SYNJ2BP: variants seen among roughly 807,000 people sequenced by gnomAD.
SYNJ2BP encodes the protein synaptojanin 2 binding protein.
In SYNJ2BP, 10 loss-of-function variants were observed where a neutral mutation model predicts 16.9. The observed-to-expected ratio is 0.59, with a 90% CI of 0.36 to 1.00. SYNJ2BP has a LOEUF of 1.00. Among genes scored for constraint, SYNJ2BP ranks in the 50% least tolerant of loss-of-function variants. The pLI is 0.01. For missense variants in SYNJ2BP, 162 were observed against 186.7 expected (o/e 0.87, Z 0.77); for synonymous variants, 54 against 68.4 (o/e 0.79, Z 1.04).
intron 1 of SYNJ2BP, among the ~76,000 whole-genome samples, chr14:70,410,627 A>G (rs1385493084): frequency 6.6e-6 from 1 of 152,174 alleles, no homozygotes; most frequent in Admixed American, 6.5e-5. Context: ...ATGCCCATCA[A>G]TGGTAGACTG....
At chr14:70,375,559 T>G in intron 3 of SYNJ2BP, 117 bp downstream of exon 3, 1 of 1,306,160 alleles carries the variant, frequency 7.7e-7, no homozygotes, top group Non-Finnish European at 1.0e-6. Flanking sequence ...CCTGAGAAAC[T>G]CTTCAGGGGA....
At position 70,367,561 on chromosome 14, in the gene SYNJ2BP, CAAAAAAAAAAAAAAA is replaced by C. The variant is rs71448320; in HGVS notation, c.*5415_*5429del. ...TAGGCGACAGAGCAAGACTCCGTCT[CAAAAAAAAAAAAAAA>C]AAAAAAAAAAAGAAAAGAAAAGAAT... On this transcript the variant is annotated 3_prime_UTR_variant, in exon 4 of 4. Coordinates refer to ENST00000256366, the MANE Select transcript of SYNJ2BP (RefSeq NM_018373.3). 2.7e-5 allele frequency: 1 copy of C among 36,950 alleles called. No homozygotes were observed. Among genetic ancestry groups the C allele is most frequent in the Admixed American group, 3.7e-4 (1 of 2,720 alleles). 2.3% of individuals were successfully genotyped at this position (36,950 alleles called of 1,614,324 possible).
chr14:70,374,878 C>T (rs80015506), intron 3 of SYNJ2BP, among the ~76,000 whole-genome samples: 11,351 of 151,954 alleles, frequency 0.075, 489 homozygotes, highest in Middle Eastern at 0.12. Context: ...CGTTTTTTTA[C>T]CATCTTTTTA....
chr14:70,403,404 G>A (rs1888282208), intron 1 of SYNJ2BP, among the ~76,000 whole-genome samples: 1 of 152,148 alleles, frequency 6.6e-6, no homozygotes. Flanking sequence ...AAGGTTGCTG[G>A]GCTGCATTCC....
At chr14:70,396,874 T>C (rs1414584799) in intron 1 of SYNJ2BP, among the ~76,000 whole-genome samples, 1 of 152,228 alleles carries the variant, frequency 6.6e-6, no homozygotes, top group Non-Finnish European at 1.5e-5. Context: ...TCTTTATATA[T>C]GCTGGATATT....
chr14:70,403,288 T>C (rs1284592575), intron 1 of SYNJ2BP, among the ~76,000 whole-genome samples: 1 of 152,206 alleles, frequency 6.6e-6, no homozygotes, highest in Non-Finnish European at 1.5e-5. Flanking sequence ...TTATGTGTCA[T>C]GTGTATGTGA....
At chr14:70,388,405 G>A (rs1887906185) in intron 2 of SYNJ2BP, 65 bp downstream of exon 2, 2 of 1,412,604 alleles carry the variant, frequency 1.4e-6, no homozygotes, top group Non-Finnish European at 1.9e-6. Flanking sequence ...AAAAGGGATA[G>A]GGAGGGGTAG....
intron 1 of SYNJ2BP, among the ~76,000 whole-genome samples, chr14:70,402,946 A>G (rs996942299): frequency 2.0e-5 from 3 of 152,214 alleles, no homozygotes; most frequent in African/African-American, 7.2e-5. Flanking sequence ...AAATTTTTAC[A>G]ATGGGAAAGA....
Position 70,372,189 on chromosome 14 carries a change from G to A in SYNJ2BP, c.*802C>T, listed in dbSNP as rs987210309. 16 of 151,546 alleles carry A rather than the reference G, an allele frequency of 1.1e-4. No homozygotes were observed. The highest frequency in any genetic ancestry group is 3.9e-4 in the African/African-American group (16 of 41,214). 9.4% of individuals were successfully genotyped at this position (151,546 alleles called of 1,614,324 possible). On this transcript the variant is annotated 3_prime_UTR_variant, in exon 4 of 4. Transcript: ENST00000256366. ...GATGAGGTTTTGCTATGTTGCCCAG[G>A]CTGGTCTCCTGGACTCAAGCAATCT...
chr14:70,398,202 G>T (rs1376787233), intron 1 of SYNJ2BP, among the ~76,000 whole-genome samples: 1 of 152,178 alleles, frequency 6.6e-6, no homozygotes, highest in Non-Finnish European at 1.5e-5. Flanking sequence ...ATGCCGACTG[G>T]TCCATGGGCA....
chr14:70,416,313 TTTTC>T (rs907361042), intron 1 of SYNJ2BP, among the ~76,000 whole-genome samples: 13 of 103,790 alleles, frequency 1.3e-4, no homozygotes, highest in African/African-American at 7.7e-4. Flanking sequence ...TAACTTTTTA[TTTTC>T]TTTTTTTTTT....
At chr14:70,395,895 C>T (rs1724963288) in intron 1 of SYNJ2BP, among the ~76,000 whole-genome samples, 1 of 152,140 alleles carries the variant, frequency 6.6e-6, no homozygotes, top group African/African-American at 2.4e-5. Context: ...ATTTGTTATT[C>T]TGTGTCTTGT....
At chr14:70,391,290 A>T (rs1321559743) in intron 1 of SYNJ2BP, among the ~76,000 whole-genome samples, 3 of 152,212 alleles carry the variant, frequency 2.0e-5, no homozygotes, top group Non-Finnish European at 2.9e-5. Flanking sequence ...CTCTAAAAAA[A>T]TAAATAAGAA....
chr14:70,375,777 A>C lies in SYNJ2BP; in HGVS notation c.202-6T>G, dbSNP rs761651562. On this transcript the variant is annotated splice_polypyrimidine_tract_variant and splice_region_variant and intron_variant, in intron 2 of 3. Transcript: ENST00000256366. ...TTTAGGTCTTGGCCATTTACCTGTC[A>C]AAACACCAAAGAGTAGTAAGAAAGG... 1 of 1,613,172 alleles carries C rather than the reference A, an allele frequency of 6.2e-7. No individual in the cohort carries two copies. The highest frequency in any genetic ancestry group is 8.5e-7 in the Non-Finnish European group (1 of 1,179,744).
intron 1 of SYNJ2BP, among the ~76,000 whole-genome samples, chr14:70,391,848 T>A (rs145550910): frequency 2.0e-5 from 3 of 152,238 alleles, no homozygotes; most frequent in Non-Finnish European, 4.4e-5. Flanking sequence ...GCTACTTCTG[T>A]TGTAAATGAA....
At chr14:70,395,918 G>A (rs1888081636) in intron 1 of SYNJ2BP, among the ~76,000 whole-genome samples, 1 of 152,046 alleles carries the variant, frequency 6.6e-6, no homozygotes, top group Non-Finnish European at 1.5e-5. Context: ...ATATTGCTTA[G>A]CATAATGTCT....
chr14:70,391,911 C>A (rs908402313), intron 1 of SYNJ2BP, among the ~76,000 whole-genome samples: 34 of 152,194 alleles, frequency 2.2e-4, no homozygotes, highest in Admixed American at 5.9e-4. Flanking sequence ...CTTTGTTCAG[C>A]CAGAATATTT....
intron 1 of SYNJ2BP, among the ~76,000 whole-genome samples, chr14:70,416,114 G>A (rs2139458515): frequency 6.6e-6 from 1 of 152,186 alleles, no homozygotes; most frequent in Non-Finnish European, 1.5e-5. Context: ...AGTTGTAAAG[G>A]AAAGTAAACA....
At chr14:70,403,061 T>G (rs1353452344) in intron 1 of SYNJ2BP, among the ~76,000 whole-genome samples, 1 of 152,216 alleles carries the variant, frequency 6.6e-6, no homozygotes, top group Non-Finnish European at 1.5e-5. Context: ...TAATGGTATA[T>G]AGATATAAGT....
Sources: gnomAD v4.1 joint callset for allele counts (sites outside exome capture counted in the v4.1 genomes callset) on GRCh38, gnomAD v4.1.1 for gene constraint, MANE v1.5 for transcripts, NCBI Gene and HGNC (gene_info 2026-07-23, HGNC 2026-07-21) for gene names.